Variants in GRIA1 observed in about 807,000 individuals in gnomAD.
The protein encoded by GRIA1 is glutamate ionotropic receptor AMPA type subunit 1.
GRIA1 carries 31 observed loss-of-function variants against 99.2 expected under a neutral mutation model. The ratio of observed to expected loss-of-function variants is 0.31; its 90% confidence interval spans 0.23 to 0.42. The LOEUF (loss-of-function observed/expected upper bound fraction) is 0.42, where lower values mean the gene tolerates loss of function less well. Ranked by LOEUF, GRIA1 falls within the 10% of genes least tolerant of loss-of-function variation. GRIA1 has a pLI of 1.00. For missense variants in GRIA1, 782 were observed against 1,157.5 expected (o/e 0.68, Z 4.71); for synonymous variants, 438 against 432.4 (o/e 1.01, Z -0.16).
At position 153,589,471 on chromosome 5, in the gene GRIA1, A is replaced by G. The variant is rs538974263; in HGVS notation, c.221-57457A>G. ...CCACACTTGCTTTGTAGAATTTGCAATATTAGATATAAATTTATTATAAAA... is the reference window on the plus strand; with the variant it reads ...CCACACTTGCTTTGTAGAATTTGCAGTATTAGATATAAATTTATTATAAAA... On this transcript the variant is annotated intron_variant, in intron 2 of 15. Transcript: ENST00000285900. Among the ~76,000 whole-genome samples, 9 of 152,280 alleles carry G rather than the reference A, an allele frequency of 5.9e-5. No individual in the cohort carries two copies. The South Asian group carries it at 1.7e-3, about 28-fold the overall frequency.
chr5:153,772,289 A>G (rs1478432048), intron 13 of GRIA1, among the ~76,000 whole-genome samples: 1 of 152,088 alleles, frequency 6.6e-6, no homozygotes, highest in East Asian at 1.9e-4. Context: ...TGACAGATTA[A>G]TAGGAGTTAA....
chr5:153,683,761 A>G (rs1171622750), intron 7 of GRIA1, among the ~76,000 whole-genome samples: 1 of 152,226 alleles, frequency 6.6e-6, no homozygotes, highest in African/African-American at 2.4e-5. Flanking sequence ...AGTAGTCGTC[A>G]TTATCATCAT....
At chr5:153,706,362 T>G (rs1005279318) in intron 11 of GRIA1, among the ~76,000 whole-genome samples, 1 of 152,172 alleles carries the variant, frequency 6.6e-6, no homozygotes, top group African/African-American at 2.4e-5. Flanking sequence ...AAGGGAGCAT[T>G]GTGTGGTACA....
chr5:153,595,800 GA>G (rs1042667964), intron 2 of GRIA1, among the ~76,000 whole-genome samples: 1 of 149,374 alleles, frequency 6.7e-6, no homozygotes, highest in African/African-American at 2.4e-5. Flanking sequence ...CTACATCTTA[GA>G]AATAGTTCTT....
chr5:153,691,209 G>A (rs532628612), intron 8 of GRIA1, among the ~76,000 whole-genome samples: 8 of 152,124 alleles, frequency 5.3e-5, no homozygotes, highest in African/African-American at 7.2e-5. Flanking sequence ...AGGAAATCCC[G>A]TTCAAGGATA....
At chr5:153,497,448 C>T (rs1428920) in intron 2 of GRIA1, among the ~76,000 whole-genome samples, 56,941 of 151,970 alleles carry the variant, frequency 0.37, 11,323 homozygotes, top group East Asian at 0.68. Flanking sequence ...TCAGCAAGTA[C>T]ATACTGAATG....
At chr5:153,584,383 T>G (rs1763295981) in intron 2 of GRIA1, among the ~76,000 whole-genome samples, 2 of 152,188 alleles carry the variant, frequency 1.3e-5, no homozygotes, top group African/African-American at 4.8e-5. Context: ...CCACAGTGTT[T>G]GAGATGTTAC....
chr5:153,801,965 G>A (rs1181429003), intron 14 of GRIA1, among the ~76,000 whole-genome samples: 1 of 142,484 alleles, frequency 7.0e-6, no homozygotes, highest in East Asian at 2.4e-4. Flanking sequence ...GGGGGGGCGG[G>A]GGGCAGGAAT....
chr5:153,607,130 C>T (rs990470565), intron 2 of GRIA1, among the ~76,000 whole-genome samples: 5 of 149,198 alleles, frequency 3.4e-5, no homozygotes, highest in Non-Finnish European at 5.9e-5. Flanking sequence ...CACATTTTTG[C>T]AATTGTAAAT....
intron 2 of GRIA1, among the ~76,000 whole-genome samples, chr5:153,593,919 G>A (rs181669462): frequency 3.9e-5 from 6 of 152,272 alleles, no homozygotes; most frequent in African/African-American, 1.2e-4. Flanking sequence ...CAACATGAGG[G>A]TAAATTTTTA....
rs963059917 is a variant in GRIA1, at chr5:153,812,212, A to G, written c.*987A>G. 3 of 152,148 alleles carry G rather than the reference A, an allele frequency of 2.0e-5. No homozygotes were observed. Among genetic ancestry groups the G allele is most frequent in the Non-Finnish European group, 2.9e-5 (2 of 68,040 alleles). 9.4% of individuals were successfully genotyped at this position (152,148 alleles called of 1,614,324 possible). A position where few individuals can be genotyped will look rare whatever the true frequency, so the allele number is the denominator to read the frequency against. On this transcript the variant is annotated 3_prime_UTR_variant, in exon 16 of 16. Coordinates refer to ENST00000285900, the MANE Select transcript of GRIA1 (RefSeq NM_000827.4). ...GATTCTCACTTTTTCTTTGCCTGGC[A>G]TCTAAGCAGGAACCCATTGTGGAGT...
At chr5:153,627,468 A>T (rs769945802) in intron 2 of GRIA1, among the ~76,000 whole-genome samples, 1 of 152,198 alleles carries the variant, frequency 6.6e-6, no homozygotes, top group Non-Finnish European at 1.5e-5. Context: ...GTGGCCTTTC[A>T]GCCCCAGAAA....
intron 11 of GRIA1, among the ~76,000 whole-genome samples, chr5:153,712,297 A>G (rs1326641130): frequency 2.6e-5 from 4 of 151,982 alleles, no homozygotes; most frequent in Admixed American, 1.3e-4. Flanking sequence ...CGATCTGCCC[A>G]CCTCAGACTC....
At chr5:153,637,538 G>C (rs1753455058) in intron 2 of GRIA1, among the ~76,000 whole-genome samples, 1 of 152,206 alleles carries the variant, frequency 6.6e-6, no homozygotes, top group African/African-American at 2.4e-5. Context: ...TGATGCTAAG[G>C]AGTTTGCCAT....
chr5:153,505,712 T>C, intron 2 of GRIA1, among the ~76,000 whole-genome samples: 1 of 152,240 alleles, frequency 6.6e-6, no homozygotes, highest in East Asian at 1.9e-4. Flanking sequence ...TGAGGGAACA[T>C]TGGAAATGAC....
At chr5:153,709,966 A>G (rs1450585740) in intron 11 of GRIA1, among the ~76,000 whole-genome samples, 1 of 152,214 alleles carries the variant, frequency 6.6e-6, no homozygotes, top group Non-Finnish European at 1.5e-5. Flanking sequence ...CTGCACTGGC[A>G]CCAGGAATAG....
At chr5:153,789,613 C>T (rs1234122477) in intron 13 of GRIA1, among the ~76,000 whole-genome samples, 1 of 152,120 alleles carries the variant, frequency 6.6e-6, no homozygotes, top group Non-Finnish European at 1.5e-5. Context: ...AAAATCATTT[C>T]CAGGTAAAAT....
At chr5:153,771,584 A>G (rs1432968738) in intron 13 of GRIA1, among the ~76,000 whole-genome samples, 1 of 152,200 alleles carries the variant, frequency 6.6e-6, no homozygotes, top group East Asian at 1.9e-4. Context: ...TGACAATTCT[A>G]ATAGATACTA....
intron 14 of GRIA1, 58 bp from the exon 15 acceptor site, chr5:153,802,298 G>A (rs901536111): frequency 2.3e-5 from 35 of 1,529,954 alleles, no homozygotes; most frequent in Non-Finnish European, 2.2e-5. Context: ...ATGGTCTTTA[G>A]CCTCTTGACT....
Sources: gnomAD v4.1 joint callset for allele counts (sites outside exome capture counted in the v4.1 genomes callset) on GRCh38, gnomAD v4.1.1 for gene constraint, MANE v1.5 for transcripts, NCBI Gene and HGNC (gene_info 2026-07-23, HGNC 2026-07-21) for gene names.